The following NADSYN1 variants were observed in gnomAD, a reference collection of about 807,000 sequenced individuals.
NADSYN1 encodes the protein glutamine-dependent NAD(+) synthetase.
Under a neutral mutation model 99.3 loss-of-function variants are expected in NADSYN1, and 80 were observed. The ratio of observed to expected loss-of-function variants is 0.81; its 90% CI spans 0.67 to 0.97. The LOEUF (loss-of-function observed/expected upper bound fraction) is 0.97, where lower values mean the gene tolerates loss of function less well. Among genes scored for constraint, NADSYN1 ranks in the 50% least tolerant of loss-of-function variants. The pLI, the probability that NADSYN1 is intolerant of heterozygous loss-of-function variation, is 0.00. For synonymous variants in NADSYN1, 385 were observed against 372.1 expected, an observed-to-expected ratio of 1.03 and a Z score of -0.40; for missense variants, 859 against 948.5, an observed-to-expected ratio of 0.91 and a Z score of 1.24.
At chr11:71,464,836 C>A (rs1462054720) in intron 5 of NADSYN1, among the ~76,000 whole-genome samples, 3 of 144,688 alleles carry the variant, frequency 2.1e-5, no homozygotes. Context: ...CCACTGCACT[C>A]CAGCCTGAGC....
chr11:71,477,217 G>C (rs906094306), intron 9 of NADSYN1: 2 of 1,187,804 alleles, frequency 1.7e-6, no homozygotes, highest in Non-Finnish European at 2.1e-6. Context: ...TCAGGCCGCC[G>C]TGCGGCAGGC....
intron 5 of NADSYN1, among the ~76,000 whole-genome samples, chr11:71,464,867 CAAAAAAA>C (rs926724365): frequency 9.1e-4 from 37 of 40,518 alleles, no homozygotes; most frequent in Admixed American, 1.8e-3. Context: ...GACTCTGTCT[CAAAAAAA>C]AAAAAAAAAA....
At chr11:71,490,054 C>T (rs533138839) in intron 16 of NADSYN1, among the ~76,000 whole-genome samples, 2 of 152,140 alleles carry the variant, frequency 1.3e-5, no homozygotes, top group African/African-American at 4.8e-5. Context: ...TCCCTCAGTT[C>T]TGTAGGACAC....
chr11:71,477,180 G>A (rs1949673417), intron 9 of NADSYN1: 5 of 1,174,818 alleles, frequency 4.3e-6, no homozygotes, highest in Non-Finnish European at 5.4e-6. Flanking sequence ...AATCCCCTGG[G>A]CTTTCCGGCT....
At chr11:71,494,783 G>C (rs1286012477) in intron 18 of NADSYN1, among the ~76,000 whole-genome samples, 1 of 152,094 alleles carries the variant, frequency 6.6e-6, no homozygotes, top group Admixed American at 6.6e-5. Context: ...TCGAACTCCC[G>C]ACCTCAGGTG....
At position 71,472,515 on chromosome 11, in the gene NADSYN1, G is replaced by C. The variant is rs769980016; in HGVS notation, c.459+15G>C. ...TGACAAAGCAGGTGAGTCCCTGGGT[G>C]TGGAGCCCGTTTTTCAGTCGGTTGT... On this transcript the variant is annotated intron_variant, in intron 6 of 20. Transcript: ENST00000319023. The C allele has an allele frequency of 1.1e-5, 17 of 1,610,816 alleles. No individual in the cohort carries two copies. Among genetic ancestry groups the C allele is most frequent in the Middle Eastern group, 1.7e-4 (1 of 5,990 alleles).
chr11:71,492,160 C>T (rs1038440157), intron 18 of NADSYN1, among the ~76,000 whole-genome samples: 4 of 152,116 alleles, frequency 2.6e-5, no homozygotes, highest in African/African-American at 9.7e-5. Context: ...GGCGGAGGAA[C>T]GCAAGTTCCT....
At position 71,473,610 on chromosome 11, in the gene NADSYN1, C is replaced by G. The variant is rs754632793; in HGVS notation, c.590C>G (p.Thr197Ser). 6.2e-7 allele frequency: 1 copy of G among 1,613,076 alleles called. No individual in the cohort carries two copies. ...GGCCTGGATGGCGTGGAGATCATCA[C>G]CAACGCCTCGGGCAGCCACCAAGTG... is the stretch of plus-strand genomic sequence containing the variant. ...DMGLDGVEII[T>S]NASGSHQVLR... The change falls in exon 8 of 21, where the codon ACC (threonine) becomes AGC (serine). Residue 197 changes from threonine to serine, a missense_variant. Physicochemically the swap from Thr to Ser is moderately conservative, Grantham distance 58. Coordinates refer to ENST00000319023, the MANE Select transcript of NADSYN1 (RefSeq NM_018161.5).
chr11:71,492,101 G>A (rs1050155800), intron 18 of NADSYN1, among the ~76,000 whole-genome samples, 198 bp downstream of exon 18: 4 of 152,146 alleles, frequency 2.6e-5, no homozygotes, highest in African/African-American at 7.2e-5. Flanking sequence ...CATGGTTGGC[G>A]CCCCAGAAAG....
Position 71,497,479 on chromosome 11 carries a change from A to G in NADSYN1, c.1765-4A>G. 6.2e-7 allele frequency: 1 copy of G among 1,614,112 alleles called. No individual in the cohort carries two copies. Among genetic ancestry groups the G allele is most frequent in the East Asian group, 2.2e-5 (1 of 44,888 alleles). On this transcript the variant is annotated splice_polypyrimidine_tract_variant and splice_region_variant and intron_variant, in intron 18 of 20. Transcript: ENST00000319023. ...ATCATGGAACAGATTTTTGTTGTGC[A>G]CAGGAAGATATGGGGATGACATATG...
chr11:71,495,820 CG>C (rs1341818911), intron 18 of NADSYN1, among the ~76,000 whole-genome samples: 2 of 152,160 alleles, frequency 1.3e-5, no homozygotes, highest in African/African-American at 4.8e-5. Context: ...GAAGGCCCAG[CG>C]GTGGCTCTGG....
intron 3 of NADSYN1, chr11:71,460,149 C>G (rs1949541804): frequency 6.6e-6 from 1 of 152,272 alleles, no homozygotes; most frequent in Non-Finnish European, 1.5e-5. Context: ...GCTGGCTGGC[C>G]CAGATTGTCC....
intron 2 of NADSYN1, among the ~76,000 whole-genome samples, chr11:71,456,963 A>G (rs1949518436): frequency 6.6e-6 from 1 of 152,230 alleles, no homozygotes; most frequent in South Asian, 2.1e-4. Flanking sequence ...CATGGACCAG[A>G]GACCCTCTCA....
chr11:71,458,735 G>C, intron 3 of NADSYN1, 191 bp downstream of exon 3: 1 of 556,026 alleles, frequency 1.8e-6, no homozygotes, highest in South Asian at 2.0e-5. Context: ...CCTGCAAGGA[G>C]GGAGCTCCTG....
intron 14 of NADSYN1, among the ~76,000 whole-genome samples, chr11:71,483,255 C>G (rs796563808): frequency 5.3e-5 from 8 of 152,272 alleles, no homozygotes; most frequent in Admixed American, 2.0e-4. Context: ...CACCTAGGAG[C>G]TTATCAGGGC....
chr11:71,470,467 G>C (rs1949619779), intron 5 of NADSYN1, among the ~76,000 whole-genome samples: 1 of 152,256 alleles, frequency 6.6e-6, no homozygotes, highest in Non-Finnish European at 1.5e-5. Flanking sequence ...CCTGGGTACT[G>C]TGTGCACTGG....
intron 17 of NADSYN1, 135 bp from the exon 18 acceptor site, chr11:71,491,699 T>C: frequency 1.3e-6 from 1 of 758,320 alleles, no homozygotes; most frequent in Admixed American, 2.3e-5. Context: ...ACCGCAAGCC[T>C]TGGTGACGTC....
rs117588858 is a variant in NADSYN1, at chr11:71,485,910, G to A, written c.1562+262G>A. Among the ~76,000 whole-genome samples, 93 of 152,124 alleles carry A rather than the reference G, an allele frequency of 6.1e-4. No homozygotes were observed. The East Asian group carries it at 0.016, about 26-fold the overall frequency. The stretch of plus-strand genomic sequence containing the variant: ...TGCGCCTCAAATTCATCTTCCCACC[G>A]CCCTCTGCCATGGTCAGGCTCCCCT... On this transcript the variant is annotated intron_variant, in intron 16 of 20. Transcript: ENST00000319023.
chr11:71,454,865 G>C (rs536252580), intron 1 of NADSYN1, among the ~76,000 whole-genome samples: 1 of 151,244 alleles, frequency 6.6e-6, no homozygotes, highest in African/African-American at 2.4e-5. Context: ...ATATAAGCAG[G>C]TATATGCAAG....
Sources: allele counts gnomAD v4.1 joint callset (sites outside exome capture counted in the v4.1 genomes callset), GRCh38; gene constraint gnomAD v4.1.1; transcripts MANE v1.5; gene names NCBI Gene and HGNC (gene_info 2026-07-23, HGNC 2026-07-21).